Variants in TOX observed in about 807,000 individuals in gnomAD.
TOX encodes thymocyte selection-associated high mobility group box protein TOX.
TOX carries 11 observed loss-of-function variants against 53.7 expected under a neutral mutation model. The observed-to-expected ratio is 0.20, with a 90% confidence interval of 0.13 to 0.34. The LOEUF (loss-of-function observed/expected upper bound fraction) is 0.34. Ranked by LOEUF, TOX falls within the 10% of genes least tolerant of loss-of-function variation. The probability of loss-of-function intolerance (pLI) is 1.00; values close to 1 mark genes in which losing one functional copy is unlikely to be tolerated. For synonymous variants in TOX, 225 were observed against 245.3 expected (o/e 0.92, Z 0.77); for missense variants, 570 against 664.6 (o/e 0.86, Z 1.56).
chr8:58,914,243 C>A (rs1811962331), intron 3 of TOX, among the ~76,000 whole-genome samples: 1 of 152,172 alleles, frequency 6.6e-6, no homozygotes, highest in South Asian at 2.1e-4. Context: ...CAAGTCTGAA[C>A]ACCTCTGAGA....
intron 1 of TOX, among the ~76,000 whole-genome samples, chr8:59,029,471 C>T (rs1446540820): frequency 1.3e-5 from 2 of 152,104 alleles, no homozygotes; most frequent in Non-Finnish European, 2.9e-5. Context: ...ACAGTGATAA[C>T]CCACTAATAG....
intron 8 of TOX, 36 bp from the exon 9 acceptor site, chr8:58,807,819 G>C: frequency 1.2e-6 from 2 of 1,613,480 alleles, no homozygotes; most frequent in Non-Finnish European, 8.5e-7. Flanking sequence ...CCTTGTTACA[G>C]GACAACCTGT....
intron 1 of TOX, among the ~76,000 whole-genome samples, chr8:59,066,312 T>A (rs956314935): frequency 6.6e-6 from 1 of 152,356 alleles, no homozygotes; most frequent in African/African-American, 2.4e-5. Flanking sequence ...GCTACACTTG[T>A]ACAAAAGGAA....
At chr8:58,988,312 C>A (rs1328173186) in intron 1 of TOX, among the ~76,000 whole-genome samples, 1 of 152,218 alleles carries the variant, frequency 6.6e-6, no homozygotes, top group African/African-American at 2.4e-5. Context: ...CAGGCCAAAT[C>A]TGGTCTGCTG....
intron 1 of TOX, among the ~76,000 whole-genome samples, chr8:59,008,374 T>C (rs1183990297): frequency 6.6e-6 from 1 of 152,066 alleles, no homozygotes; most frequent in Non-Finnish European, 1.5e-5. Flanking sequence ...ACAGTGGGAG[T>C]TCCATCGTAT....
intron 3 of TOX, among the ~76,000 whole-genome samples, chr8:58,912,686 C>T (rs974565594): frequency 1.3e-5 from 2 of 152,148 alleles, no homozygotes; most frequent in African/African-American, 4.8e-5. Flanking sequence ...TGAGAAACCC[C>T]ACGGCTCAGG....
chr8:58,856,769 C>T (rs1337545600), intron 3 of TOX, among the ~76,000 whole-genome samples: 3 of 150,964 alleles, frequency 2.0e-5, no homozygotes, highest in African/African-American at 7.3e-5. Flanking sequence ...TTTCAAGTTC[C>T]TGCTGGCAAA....
At chr8:59,007,976 T>C (rs1037830600) in intron 1 of TOX, among the ~76,000 whole-genome samples, 1 of 152,270 alleles carries the variant, frequency 6.6e-6, no homozygotes, top group African/African-American at 2.4e-5. Flanking sequence ...TTTTTCCATG[T>C]ACATATCTTT....
chr8:59,070,142 C>G (rs444282), intron 1 of TOX, among the ~76,000 whole-genome samples: 1,898 of 152,102 alleles, frequency 0.012, 55 homozygotes, highest in African/African-American at 0.043. Context: ...TATGTGACAG[C>G]GCAGCTACTT....
chr8:58,908,374 T>C lies in TOX; in HGVS notation c.411+30928A>G, dbSNP rs180972291. Among the ~76,000 whole-genome samples, 8 of 152,276 alleles carry C rather than the reference T, an allele frequency of 5.3e-5. No homozygotes were observed. In the East Asian group the frequency reaches 1.4e-3, roughly 26 times the overall value. On this transcript the variant is annotated intron_variant, in intron 3 of 8. Coordinates refer to ENST00000361421, the MANE Select transcript of TOX (RefSeq NM_014729.3). ...AACTGTCTGAACGCCTTTCCTGTCA[T>C]GCACCTGATGCCTTCTCACCTCTCA... is the stretch of plus-strand genomic sequence containing the variant.
chr8:59,067,065 C>T (rs1041199914), intron 1 of TOX, among the ~76,000 whole-genome samples: 2 of 152,078 alleles, frequency 1.3e-5, no homozygotes, highest in African/African-American at 2.4e-5. Context: ...AAGTTGCAAG[C>T]GCCTTTTCTG....
Position 58,932,574 on chromosome 8 carries a change from C to A in TOX, c.411+6728G>T, listed in dbSNP as rs7010315. On this transcript the variant is annotated intron_variant, in intron 3 of 8. Coordinates refer to ENST00000361421, the MANE Select transcript of TOX (RefSeq NM_014729.3). ...TTTATGCATTACATGAAATAAAATA[C>A]CTCAAGATTTGGAAAATATTTATTT... Among the ~76,000 whole-genome samples the A allele has an allele frequency of 6.7e-3, 1,021 of 152,226 alleles. 6 individuals carry two copies. The highest frequency in any genetic ancestry group is 0.023 in the African/African-American group (976 of 41,546).
chr8:58,840,671 G>A (rs972900223), intron 4 of TOX, among the ~76,000 whole-genome samples: 1 of 152,152 alleles, frequency 6.6e-6, no homozygotes, highest in African/African-American at 2.4e-5. Context: ...AAATTTTTCT[G>A]TGCCCCAAGG....
chr8:58,903,357 T>C (rs1811761146), intron 3 of TOX, among the ~76,000 whole-genome samples: 1 of 152,162 alleles, frequency 6.6e-6, no homozygotes, highest in Non-Finnish European at 1.5e-5. Context: ...AGGGTAAATG[T>C]AGCTCTTGCA....
Position 58,873,093 on chromosome 8 carries a change from A to G in TOX, c.412-21288T>C, listed in dbSNP as rs564091080. The stretch of plus-strand genomic sequence containing the variant: ...GCTGTATGCTAACCAAGAGTCAGGT[A>G]TATTAGTTCCCCAAATAATGTTCTT... On this transcript the variant is annotated intron_variant, in intron 3 of 8. Transcript: ENST00000361421. Among the ~76,000 whole-genome samples, 3 of 152,262 alleles carry G rather than the reference A, an allele frequency of 2.0e-5. No homozygotes were observed. In the East Asian group the frequency reaches 5.8e-4, roughly 29 times the overall value.
At chr8:58,998,521 A>AAAATATAAATT (rs1563413390) in intron 1 of TOX, among the ~76,000 whole-genome samples, 5 of 109,824 alleles carry the variant, frequency 4.6e-5, no homozygotes, top group Non-Finnish European at 5.6e-5. Flanking sequence ...ATATATATAT[A>AAAATATAAATT]TATATATATA....
intron 2 of TOX, among the ~76,000 whole-genome samples, chr8:58,940,790 G>C (rs1376075754): frequency 1.3e-5 from 2 of 152,154 alleles, no homozygotes; most frequent in African/African-American, 4.8e-5. Context: ...CCAAGCGCCT[G>C]GGGTTATTTT....
intron 1 of TOX, among the ~76,000 whole-genome samples, chr8:59,063,306 A>G (rs1804023136): frequency 6.6e-6 from 1 of 152,126 alleles, no homozygotes; most frequent in Non-Finnish European, 1.5e-5. Flanking sequence ...AGAGCTAATG[A>G]CTGCTTATTT....
chr8:59,100,386 C>T (rs947385912), intron 1 of TOX, among the ~76,000 whole-genome samples: 5 of 152,286 alleles, frequency 3.3e-5, no homozygotes, highest in East Asian at 3.9e-4. Flanking sequence ...TTAAACACAA[C>T]CTGCTAAGAA....
Sources: gnomAD v4.1 joint callset for allele counts (sites outside exome capture counted in the v4.1 genomes callset) on GRCh38, gnomAD v4.1.1 for gene constraint, MANE v1.5 for transcripts, NCBI Gene and HGNC (gene_info 2026-07-23, HGNC 2026-07-21) for gene names.